Variants in ANKRD17 observed in about 807,000 individuals in gnomAD.
ANKRD17 encodes the protein ankyrin repeat domain 17.
ANKRD17 carries 19 observed loss-of-function variants against 229.7 expected under a neutral mutation model. The ratio of observed to expected loss-of-function variants is 0.08; its 90% CI spans 0.06 to 0.12. ANKRD17 has a LOEUF of 0.12. Among genes scored for constraint, ANKRD17 ranks in the 10% least tolerant of loss-of-function variants. ANKRD17 has a pLI of 1.00. For synonymous variants in ANKRD17, 1,112 were observed against 1,146.1 expected, an observed-to-expected ratio of 0.97 and a Z score of 0.60; for missense variants, 2,176 against 3,176.8, an observed-to-expected ratio of 0.68 and a Z score of 7.57.
chr4:73,192,280 A>T (rs898291530), intron 1 of ANKRD17, among the ~76,000 whole-genome samples: 3 of 152,084 alleles, frequency 2.0e-5, no homozygotes, highest in Admixed American at 2.0e-4. Flanking sequence ...ATATTTACCA[A>T]ATGGATACAT....
At chr4:73,234,298 C>T (rs758717115) in intron 1 of ANKRD17, among the ~76,000 whole-genome samples, 2 of 152,108 alleles carry the variant, frequency 1.3e-5, no homozygotes, top group Non-Finnish European at 2.9e-5. Context: ...TCTATGCCCC[C>T]TTTTAAATGC....
chr4:73,080,109 C>A (rs924001305), intron 30 of ANKRD17, among the ~76,000 whole-genome samples: 1 of 151,828 alleles, frequency 6.6e-6, no homozygotes, highest in Non-Finnish European at 1.5e-5. Flanking sequence ...ACTCCATCCC[C>A]CCTCCCCCTC....
At chr4:73,146,293 T>C (rs989147765) in intron 10 of ANKRD17, among the ~76,000 whole-genome samples, 1 of 152,160 alleles carries the variant, frequency 6.6e-6, no homozygotes, top group African/African-American at 2.4e-5. Flanking sequence ...ACCTCAGTAT[T>C]TGTCACCTAT....
chr4:73,143,174 T>C (rs192290023), intron 11 of ANKRD17, among the ~76,000 whole-genome samples: 1 of 152,360 alleles, frequency 6.6e-6, no homozygotes, highest in East Asian at 1.9e-4. Flanking sequence ...GGGCTTTATG[T>C]AGAGAATAAA....
intron 16 of ANKRD17, among the ~76,000 whole-genome samples, chr4:73,129,445 G>A (rs1172346852): frequency 6.6e-6 from 1 of 152,110 alleles, no homozygotes; most frequent in Non-Finnish European, 1.5e-5. Context: ...AAGGAAATAC[G>A]CTGGGTACAA....
chr4:73,161,419 A>G (rs1732506039), intron 2 of ANKRD17, 71 bp from the exon 3 acceptor site: 1 of 1,497,402 alleles, frequency 6.7e-7, no homozygotes, highest in African/African-American at 1.4e-5. Context: ...AAGTTACTTA[A>G]AGCTATACTG....
At chr4:73,203,534 G>A (rs1336917044) in intron 1 of ANKRD17, among the ~76,000 whole-genome samples, 1 of 151,626 alleles carries the variant, frequency 6.6e-6, no homozygotes, top group Non-Finnish European at 1.5e-5. Context: ...CAGGCGGGCG[G>A]ATCACGAGGT....
At chr4:73,154,479 CT>C (rs1243326439) in intron 5 of ANKRD17, among the ~76,000 whole-genome samples, 2 of 151,706 alleles carry the variant, frequency 1.3e-5, no homozygotes, top group African/African-American at 4.8e-5. Flanking sequence ...GCTTCACAAG[CT>C]TTTTTTTAAT....
At chr4:73,192,969 G>A (rs573090632) in intron 1 of ANKRD17, among the ~76,000 whole-genome samples, 2 of 152,024 alleles carry the variant, frequency 1.3e-5, no homozygotes, top group Non-Finnish European at 2.9e-5. Flanking sequence ...ATACTTTAGA[G>A]TAAAATTCAC....
chr4:73,213,083 C>T (rs917489934), intron 1 of ANKRD17, among the ~76,000 whole-genome samples: 28 of 148,748 alleles, frequency 1.9e-4, no homozygotes, highest in African/African-American at 6.9e-4. Context: ...TGGATAGAAT[C>T]AAGTCAAATA....
chr4:73,195,990 G>T (rs191840708), intron 1 of ANKRD17, among the ~76,000 whole-genome samples: 8 of 149,986 alleles, frequency 5.3e-5, no homozygotes, highest in African/African-American at 1.7e-4. Context: ...TGATTCTTTC[G>T]AAGAACCATG....
chr4:73,134,015 T>C (rs1322322219), intron 16 of ANKRD17, among the ~76,000 whole-genome samples: 1 of 152,168 alleles, frequency 6.6e-6, no homozygotes, highest in African/African-American at 2.4e-5. Context: ...GAGGATTAGA[T>C]GAGACAATTC....
intron 27 of ANKRD17, 41 bp downstream of exon 27, chr4:73,097,076 A>G: frequency 6.3e-7 from 1 of 1,582,684 alleles, no homozygotes; most frequent in Non-Finnish European, 8.6e-7. Context: ...CTTGACTGTG[A>G]TATATAGCAC....
intron 6 of ANKRD17, among the ~76,000 whole-genome samples, 196 bp from the exon 7 acceptor site, chr4:73,151,720 T>G (rs1307720213): frequency 1.3e-5 from 2 of 152,202 alleles, no homozygotes; most frequent in Admixed American, 6.5e-5. Flanking sequence ...CTTACCCTAC[T>G]GCCCTATAAA....
In ANKRD17 at chr4:73,090,939, C is replaced by A; in HGVS notation, c.6689G>T (p.Cys2230Phe). The change falls in exon 29 of 34, where the codon TGT becomes TTT. Residue 2230 changes from cysteine (C) to phenylalanine (F), a missense_variant. By Grantham distance (205) the Cys-to-Phe change is radical (BLOSUM62 -2). Around this residue, in one of 18 missense-constraint regions of ANKRD17, gnomAD observed 424 missense variants for 454.0 expected, o/e 0.93. Transcript: ENST00000358602. ...ATTTGCTGGATGTACTGAATTCTGA[C>A]AAGCACTTTGTGTACTTAAGGTCGA... ...LPSTLSTQSA[C>F]QNSVHPANKP... 6.2e-7 allele frequency: 1 copy of A among 1,614,214 alleles called. No individual in the cohort carries two copies. Among genetic ancestry groups the A allele is most frequent in the South Asian group, 1.1e-5 (1 of 91,086 alleles).
chr4:73,177,573 G>A (rs1340231526), intron 1 of ANKRD17, 40 bp from the exon 2 acceptor site: 1 of 1,508,412 alleles, frequency 6.6e-7, no homozygotes, highest in Non-Finnish European at 9.1e-7. Context: ...AGGGAGAAAT[G>A]AACAGCGAAA....
chr4:73,081,326 A>T (rs1200679153), intron 30 of ANKRD17, among the ~76,000 whole-genome samples: 1 of 152,216 alleles, frequency 6.6e-6, no homozygotes, highest in Non-Finnish European at 1.5e-5. Flanking sequence ...CTGACAAGAA[A>T]CAGACCATGA....
rs75101587 is a variant in ANKRD17 at position 73,141,397 on chromosome 4, C to T, written c.2332+344G>A. 4.4e-3 allele frequency among the ~76,000 whole-genome samples: 667 copies of T among 152,140 alleles called. 5 individuals are homozygous for T. The highest frequency in any genetic ancestry group is 0.015 in the African/African-American group (642 of 41,514). ...ATTTGATACATCTTGTTAATTTATG[C>T]CTTTATAACTGCAGAGATTTAGGTA... On this transcript the variant is annotated intron_variant, in intron 14 of 33. Coordinates refer to ENST00000358602, the MANE Select transcript of ANKRD17 (RefSeq NM_032217.5).
At chr4:73,256,066 T>C (rs543273462) in intron 1 of ANKRD17, among the ~76,000 whole-genome samples, 5 of 152,250 alleles carry the variant, frequency 3.3e-5, no homozygotes, top group African/African-American at 1.2e-4. Flanking sequence ...CTGACTCATC[T>C]TCATAAATGA....
Sources: gnomAD v4.1 joint callset for allele counts (sites outside exome capture counted in the v4.1 genomes callset) on GRCh38, gnomAD v4.1.1 for gene constraint, gnomAD v4.1.1 regional missense constraint, MANE v1.5 for transcripts, NCBI Gene and HGNC (gene_info 2026-07-23, HGNC 2026-07-21) for gene names.